RUNX1: variants seen among roughly 807,000 people sequenced by gnomAD.
RUNX1 encodes runt-related transcription factor 1.
Under a neutral mutation model 42.8 loss-of-function variants are expected in RUNX1, and 19 were observed. That is an observed-to-expected ratio of 0.44 (90% CI 0.31 to 0.65). The LOEUF is 0.65. RUNX1 is among the 30% of genes least tolerant of loss of function. RUNX1 has a pLI of 0.07. For synonymous variants in RUNX1, 271 were observed against 289.4 expected (o/e 0.94, Z 0.64); for missense variants, 528 against 672.0 (o/e 0.79, Z 2.37).
At chr21:34,849,322 A>ATATTATACTATAT in intron 6 of RUNX1, among the ~76,000 whole-genome samples, 1 of 42,932 alleles carries the variant, frequency 2.3e-5, no homozygotes, top group South Asian at 6.1e-4. Flanking sequence ...TTATATATAT[A>ATATTATACTATAT]TTATATATAC....
intron 2 of RUNX1, among the ~76,000 whole-genome samples, chr21:35,004,763 A>G (rs1363796721): frequency 6.6e-6 from 1 of 152,146 alleles, no homozygotes; most frequent in African/African-American, 2.4e-5. Context: ...CGGGCTCACA[A>G]GAGAGGCAGC....
intron 3 of RUNX1, chr21:34,888,449 A>C (rs747220383): frequency 9.4e-7 from 1 of 1,066,984 alleles, no homozygotes; most frequent in African/African-American, 1.6e-5. Flanking sequence ...CCAGGAAAGA[A>C]GTTGAAAACA....
At chr21:34,981,546 T>C (rs1356001390) in intron 2 of RUNX1, among the ~76,000 whole-genome samples, 1 of 152,180 alleles carries the variant, frequency 6.6e-6, no homozygotes, top group Non-Finnish European at 1.5e-5. Flanking sequence ...TCCTGGAAAA[T>C]TTATTTGAAA....
chr21:34,922,416 A>G (rs2058360985), intron 2 of RUNX1, among the ~76,000 whole-genome samples: 1 of 152,198 alleles, frequency 6.6e-6, no homozygotes, highest in Admixed American at 6.5e-5. Flanking sequence ...TATATCAAAG[A>G]CAAGGAATTA....
intron 2 of RUNX1, among the ~76,000 whole-genome samples, chr21:34,929,756 A>G (rs1266417726): frequency 3.3e-4 from 50 of 152,156 alleles, no homozygotes; most frequent in Admixed American, 3.2e-3. Flanking sequence ...ACCTTAGTTG[A>G]ATATTCTTTA....
chr21:34,863,248 C>T (rs1327278159), intron 5 of RUNX1, among the ~76,000 whole-genome samples: 1 of 152,172 alleles, frequency 6.6e-6, no homozygotes. Context: ...AAATCTCCAC[C>T]CGCAAACCCA....
At position 34,792,085 on chromosome 21, in the gene RUNX1, G is replaced by C. The variant is rs1176085747; in HGVS notation, c.*50C>G. On this transcript the variant is annotated 3_prime_UTR_variant, in exon 9 of 9. Coordinates refer to ENST00000675419, the MANE Select transcript of RUNX1 (RefSeq NM_001754.5). The surrounding 1 kb of genome is among the most constrained non-coding windows in gnomAD (Gnocchi z 6.9). ...TCGCGAACAGGAGGCCCGCGCGCCC[G>C]GAGGCGAAGGCGGCGGCCCGCGGGG... 5.9e-6 allele frequency: 7 copies of C among 1,196,338 alleles called. No individual in the cohort carries two copies. Among genetic ancestry groups the C allele is most frequent in the Non-Finnish European group, 6.4e-6 (6 of 931,766 alleles). The allele number at this position is 1,196,338 out of a possible 1,614,324, so 74.1% of individuals were successfully genotyped here. A position where few individuals can be genotyped will look rare whatever the true frequency, so the allele number is the denominator to read the frequency against.
chr21:35,025,097 C>G (rs561855435), intron 2 of RUNX1, among the ~76,000 whole-genome samples: 4 of 152,206 alleles, frequency 2.6e-5, no homozygotes, highest in Non-Finnish European at 5.9e-5. Flanking sequence ...GAATGGTGCT[C>G]CCTCTCCCTC....
chr21:34,964,586 C>T (rs2146719181), intron 2 of RUNX1, among the ~76,000 whole-genome samples: 1 of 152,046 alleles, frequency 6.6e-6, no homozygotes, highest in Non-Finnish European at 1.5e-5. Flanking sequence ...TCTAGAATTA[C>T]AGACACGCCC....
intron 6 of RUNX1, among the ~76,000 whole-genome samples, chr21:34,846,397 G>C (rs1431977473): frequency 1.3e-5 from 2 of 151,258 alleles, no homozygotes; most frequent in African/African-American, 2.4e-5. Context: ...TTCCCAGTTT[G>C]GCAGGACATC....
At chr21:34,867,199 C>G (rs1160925032) in intron 5 of RUNX1, among the ~76,000 whole-genome samples, 1 of 151,636 alleles carries the variant, frequency 6.6e-6, no homozygotes, top group Non-Finnish European at 1.5e-5. Context: ...GAGTTCAAGA[C>G]CAGTCTGGGC....
intron 2 of RUNX1, among the ~76,000 whole-genome samples, chr21:35,007,959 G>A (rs1253828311): frequency 6.6e-6 from 1 of 152,014 alleles, no homozygotes; most frequent in Non-Finnish European, 1.5e-5. Context: ...ATGGATCCAG[G>A]TTTATTCCCT....
At chr21:34,885,067 C>T (rs914019628) in intron 4 of RUNX1, among the ~76,000 whole-genome samples, 4 of 152,134 alleles carry the variant, frequency 2.6e-5, no homozygotes, top group African/African-American at 9.7e-5. Flanking sequence ...CTGAATTGCT[C>T]CAATTCCTGA....
intron 7 of RUNX1, among the ~76,000 whole-genome samples, chr21:34,806,597 C>T (rs2056683659): frequency 6.6e-6 from 1 of 152,174 alleles, no homozygotes; most frequent in African/African-American, 2.4e-5. Flanking sequence ...AATTAAGACA[C>T]AGTTGACCTA....
chr21:34,823,430 GTTTTTTT>G (rs56957776), intron 7 of RUNX1, among the ~76,000 whole-genome samples: 17 of 99,662 alleles, frequency 1.7e-4, no homozygotes, highest in African/African-American at 7.2e-4. Context: ...TTCCTGGTGG[GTTTTTTT>G]TTTTTTTTTT....
rs1601614819 is a variant in RUNX1 at position 34,964,549 on chromosome 21, T to C, written c.59-71586A>G. ...TGACAAAGGAAGGTTGTGTGCTTTTTGGCATGAAAGGACATTTTGGTACTA... is the reference window on the plus strand; with the variant it reads ...TGACAAAGGAAGGTTGTGTGCTTTTCGGCATGAAAGGACATTTTGGTACTA... On this transcript the variant is annotated intron_variant, in intron 2 of 8. Coordinates refer to ENST00000675419, the MANE Select transcript of RUNX1 (RefSeq NM_001754.5). Among the ~76,000 whole-genome samples, 5 of 152,142 alleles carry C rather than the reference T, an allele frequency of 3.3e-5. No individual in the cohort carries two copies. In the East Asian group the frequency reaches 9.6e-4, roughly 29 times the overall value.
chr21:34,978,190 G>A (rs1467044049), intron 2 of RUNX1, among the ~76,000 whole-genome samples: 6 of 152,196 alleles, frequency 3.9e-5, no homozygotes, highest in Admixed American at 6.5e-5. Context: ...CGCCCGCCTC[G>A]GCCTCCCAGA....
At chr21:34,806,655 C>G (rs2056684333) in intron 7 of RUNX1, among the ~76,000 whole-genome samples, 1 of 152,144 alleles carries the variant, frequency 6.6e-6, no homozygotes, top group African/African-American at 2.4e-5. Context: ...ATGGAATACT[C>G]TAACAACAGC....
intron 2 of RUNX1, among the ~76,000 whole-genome samples, chr21:35,000,236 C>CTTTTTTTTT (rs397866864): frequency 5.0e-4 from 56 of 110,960 alleles, no homozygotes; most frequent in South Asian, 6.0e-4. Flanking sequence ...TTCTTTCTTT[C>CTTTTTTTTT]TTTTTTTTTT....
Sources: allele counts gnomAD v4.1 joint callset (sites outside exome capture counted in the v4.1 genomes callset), GRCh38; gene constraint gnomAD v4.1.1; non-coding constraint Gnocchi (gnomAD v3.1); transcripts MANE v1.5; gene names NCBI Gene and HGNC (gene_info 2026-07-23, HGNC 2026-07-21).